Variants in DMWD observed in about 807,000 individuals in gnomAD.
DMWD encodes the protein DM1 locus, WD repeat containing, also known as dystrophia myotonica WD repeat-containing protein.
DMWD carries 19 observed loss-of-function variants against 45.8 expected under a neutral mutation model. That is an observed-to-expected ratio of 0.41 (90% CI 0.29 to 0.61). The LOEUF (loss-of-function observed/expected upper bound fraction) is 0.61. DMWD is among the 20% of genes least tolerant of loss of function. The pLI is 0.25. For synonymous variants in DMWD, 515 were observed against 440.5 expected (o/e 1.17, Z -2.12); for missense variants, 802 against 965.2 (o/e 0.83, Z 2.24).
chr19:45,786,512 G>A lies in DMWD; in HGVS notation c.984C>T (p.Gly328=). ...LRGLMKSYFG[G]LLCVCWSPDG... The stretch of plus-strand genomic sequence containing the variant: ...CAGGGCTCCAGCACACACACAGCAG[G>A]CCCCCAAAGTAGCTCTTCATGAGCC... Residue 328 remains glycine, a synonymous_variant, in exon 3 of 5, where the codon GGC becomes GGT. Coordinates refer to ENST00000270223, the MANE Select transcript of DMWD (RefSeq NM_004943.2). 6.2e-7 allele frequency: 1 copy of A among 1,614,020 alleles called. No individual in the cohort carries two copies. The highest frequency in any genetic ancestry group is 2.2e-5 in the East Asian group (1 of 44,878).
chr19:45,792,615 C>G lies in DMWD; in HGVS notation c.142G>C (p.Ala48Pro). 1 of 1,326,316 alleles carries G rather than the reference C, an allele frequency of 7.5e-7. No individual in the cohort carries two copies. Among genetic ancestry groups the G allele is most frequent in the Non-Finnish European group, 9.8e-7 (1 of 1,022,072 alleles). 82.2% of individuals were successfully genotyped at this position (1,326,316 alleles called of 1,614,324 possible). A position where few individuals can be genotyped will look rare whatever the true frequency, so the allele number is the denominator to read the frequency against. Residue 48 changes from alanine (A) to proline (P), a missense_variant, in exon 1 of 5, where the codon GCT becomes CCT. Coordinates refer to ENST00000270223, the MANE Select transcript of DMWD (RefSeq NM_004943.2). ...GDGAARRSGP[A>P]SAQTPVPPQP... ...GGCGGCACCGGAGTCTGGGCGGAAGCCGGACCCGACCTGCGAGCGGCGCCG... is the reference window on the plus strand; with the variant it reads ...GGCGGCACCGGAGTCTGGGCGGAAGGCGGACCCGACCTGCGAGCGGCGCCG...
chr19:45,787,843 G>A (rs1199134388), intron 2 of DMWD, among the ~76,000 whole-genome samples: 3 of 152,120 alleles, frequency 2.0e-5, no homozygotes, highest in Non-Finnish European at 4.4e-5. Context: ...TGAGGCAGGC[G>A]GATCACAAAG....
Sources: allele counts gnomAD v4.1 joint callset (sites outside exome capture counted in the v4.1 genomes callset), GRCh38; gene constraint gnomAD v4.1.1; transcripts MANE v1.5; gene names NCBI Gene and HGNC (gene_info 2026-07-23, HGNC 2026-07-21).